The following CDH12 variants were observed in gnomAD, a reference collection of about 807,000 sequenced individuals.
The protein encoded by CDH12 is cadherin-12.
CDH12 carries 41 observed loss-of-function variants against 74.1 expected under a neutral mutation model. The ratio of observed to expected loss-of-function variants is 0.55; its 90% CI spans 0.43 to 0.72. The LOEUF is 0.72. Among genes scored for constraint, CDH12 ranks in the 30% least tolerant of loss-of-function variants. The probability of loss-of-function intolerance (pLI) is 0.00; values close to 1 mark genes in which losing one functional copy is unlikely to be tolerated. For synonymous variants in CDH12, 399 were observed against 355.0 expected (o/e 1.12, Z -1.39); for missense variants, 945 against 977.2 (o/e 0.97, Z 0.44).
chr5:22,553,803 G>A (rs1401450700), intron 1 of CDH12, among the ~76,000 whole-genome samples: 1 of 152,080 alleles, frequency 6.6e-6, no homozygotes, highest in Non-Finnish European at 1.5e-5. Flanking sequence ...GTTTCAGGAT[G>A]AAACTGTTTC....
intron 10 of CDH12, among the ~76,000 whole-genome samples, chr5:21,794,693 A>C (rs1386418530): frequency 6.6e-6 from 1 of 151,734 alleles, no homozygotes; most frequent in Admixed American, 6.6e-5. Context: ...TGATCTAAGA[A>C]TTTATAATAT....
intron 3 of CDH12, among the ~76,000 whole-genome samples, chr5:22,344,337 GT>G (rs1353924691): frequency 3.3e-5 from 5 of 152,168 alleles, no homozygotes; most frequent in African/African-American, 7.2e-5. Context: ...ACTGATTATT[GT>G]TTTTGCTTTC....
chr5:21,792,605 T>C (rs1746561674), intron 10 of CDH12, among the ~76,000 whole-genome samples: 2 of 150,330 alleles, frequency 1.3e-5, no homozygotes, highest in Admixed American at 1.3e-4. Flanking sequence ...GCCCTTTTTT[T>C]TTTTTTTTTT....
intron 8 of CDH12, among the ~76,000 whole-genome samples, chr5:21,833,232 CAT>C (rs1351638359): frequency 2.9e-5 from 1 of 34,818 alleles, no homozygotes; most frequent in Non-Finnish European, 4.0e-5. Flanking sequence ...TGTTATATAA[CAT>C]ATAATATATA....
At chr5:22,355,523 A>AAAAAAT (rs149384377) in intron 3 of CDH12, among the ~76,000 whole-genome samples, 3 of 84,020 alleles carry the variant, frequency 3.6e-5, no homozygotes, top group African/African-American at 1.1e-4. Context: ...TTAAAAAAAA[A>AAAAAAT]ATATATATAT....
intron 1 of CDH12, among the ~76,000 whole-genome samples, chr5:22,539,170 T>C (rs1446098026): frequency 6.6e-6 from 1 of 152,266 alleles, no homozygotes; most frequent in Non-Finnish European, 1.5e-5. Flanking sequence ...CATATGTGTG[T>C]TGATATTCTG....
intron 6 of CDH12, among the ~76,000 whole-genome samples, chr5:21,926,501 T>C (rs1024156088): frequency 6.6e-6 from 1 of 152,192 alleles, no homozygotes; most frequent in Admixed American, 6.5e-5. Flanking sequence ...TATAAAAATA[T>C]CTTTAGGGCA....
At chr5:22,093,546 T>G (rs745884766) in intron 4 of CDH12, among the ~76,000 whole-genome samples, 67 of 152,250 alleles carry the variant, frequency 4.4e-4, no homozygotes, top group Non-Finnish European at 8.4e-4. Flanking sequence ...TGATTGTTAT[T>G]TATATTGTTT....
At chr5:22,486,292 C>A (rs570227576) in intron 2 of CDH12, among the ~76,000 whole-genome samples, 2 of 152,090 alleles carry the variant, frequency 1.3e-5, no homozygotes, top group Non-Finnish European at 2.9e-5. Flanking sequence ...ATAAAAGTCA[C>A]CACCCACTAA....
Position 22,379,538 on chromosome 5 carries a change from G to T in CDH12, c.-333+25719C>A, listed in dbSNP as rs1011793162. Among the ~76,000 whole-genome samples, 7 of 152,100 alleles carry T rather than the reference G, an allele frequency of 4.6e-5. No homozygotes were observed. The East Asian group carries it at 1.4e-3, about 29-fold the overall frequency. On this transcript the variant is annotated intron_variant, in intron 3 of 14. Coordinates refer to ENST00000382254, the MANE Select transcript of CDH12 (RefSeq NM_004061.5). ...AATGATATCTGTGAAATAAGAGAAA[G>T]ATTACTAAAGCCAATGTTAACCAAC...
At chr5:22,446,284 C>T (rs979344722) in intron 2 of CDH12, among the ~76,000 whole-genome samples, 1 of 152,170 alleles carries the variant, frequency 6.6e-6, no homozygotes, top group South Asian at 2.1e-4. Context: ...CCTCTCAATC[C>T]CCACACCCCT....
At chr5:21,781,238 C>T (rs1745890594) in intron 11 of CDH12, among the ~76,000 whole-genome samples, 1 of 152,122 alleles carries the variant, frequency 6.6e-6, no homozygotes, top group South Asian at 2.1e-4. Context: ...TGTCAATTTA[C>T]CCAAAAAGCC....
intron 6 of CDH12, among the ~76,000 whole-genome samples, chr5:21,934,239 A>T (rs1239379120): frequency 6.6e-6 from 1 of 152,186 alleles, no homozygotes; most frequent in Non-Finnish European, 1.5e-5. Context: ...TGATTGGATC[A>T]TAGGGGCAGA....
intron 1 of CDH12, among the ~76,000 whole-genome samples, chr5:22,518,948 C>T (rs1160373593): frequency 6.6e-6 from 1 of 152,126 alleles, no homozygotes; most frequent in Non-Finnish European, 1.5e-5. Flanking sequence ...GTAGGACTGC[C>T]TGACATGAGA....
intron 8 of CDH12, among the ~76,000 whole-genome samples, chr5:21,823,595 G>GC (rs1327303276): frequency 6.6e-6 from 1 of 151,862 alleles, no homozygotes; most frequent in Non-Finnish European, 1.5e-5. Context: ...AACTTTGAAT[G>GC]CCCCTTCAAA....
intron 3 of CDH12, among the ~76,000 whole-genome samples, chr5:22,276,376 T>C (rs960735155): frequency 6.6e-6 from 1 of 152,184 alleles, no homozygotes; most frequent in Non-Finnish European, 1.5e-5. Flanking sequence ...AAAACATCCA[T>C]AAGATACGTG....
At chr5:22,474,536 T>A (rs1409959584) in intron 2 of CDH12, among the ~76,000 whole-genome samples, 3 of 152,060 alleles carry the variant, frequency 2.0e-5, no homozygotes, top group Admixed American at 1.3e-4. Context: ...TTAGAGTAAA[T>A]CAATAGTAAA....
In CDH12 at chr5:21,838,432, C is replaced by T. The variant is rs137897725; in HGVS notation, c.814+3729G>A. 1.0e-3 allele frequency among the ~76,000 whole-genome samples: 155 copies of T among 152,020 alleles called. 1 individual carries two copies. The highest frequency in any genetic ancestry group is 6.6e-3 in the East Asian group (34 of 5,132). On this transcript the variant is annotated intron_variant, in intron 8 of 14. Coordinates refer to ENST00000382254, the MANE Select transcript of CDH12 (RefSeq NM_004061.5). ...AAAATTAGCTGGGTGTAGTGGCAGACGCCTGTAATCCCAGCTACTTGGGAG... is the reference window on the plus strand; with the variant it reads ...AAAATTAGCTGGGTGTAGTGGCAGATGCCTGTAATCCCAGCTACTTGGGAG...
chr5:22,108,159 C>T (rs1401409575), intron 4 of CDH12, among the ~76,000 whole-genome samples: 4 of 152,098 alleles, frequency 2.6e-5, no homozygotes, highest in Non-Finnish European at 5.9e-5. Flanking sequence ...GGCAATTTCC[C>T]CCATACTGTT....
Sources: gnomAD v4.1 joint callset for allele counts (sites outside exome capture counted in the v4.1 genomes callset) on GRCh38, gnomAD v4.1.1 for gene constraint, MANE v1.5 for transcripts, NCBI Gene and HGNC (gene_info 2026-07-23, HGNC 2026-07-21) for gene names.